Variants in CNTNAP2 observed in about 807,000 individuals in gnomAD.
The protein encoded by CNTNAP2 is contactin-associated protein-like 2.
CNTNAP2 carries 98 observed loss-of-function variants against 155.2 expected under a neutral mutation model. The observed-to-expected ratio is 0.63, with a 90% CI of 0.54 to 0.75. The LOEUF (loss-of-function observed/expected upper bound fraction) is 0.75. Ranked by LOEUF, CNTNAP2 falls within the 30% of genes least tolerant of loss-of-function variation. The probability of loss-of-function intolerance (pLI) is 0.00; values close to 1 mark genes in which losing one functional copy is unlikely to be tolerated. For missense variants in CNTNAP2, 1,727 were observed against 1,688.1 expected (o/e 1.02, Z -0.40); for synonymous variants, 651 against 631.2 (o/e 1.03, Z -0.47).
At chr7:146,515,860 A>G (rs1183853307) in intron 1 of CNTNAP2, among the ~76,000 whole-genome samples, 4 of 152,024 alleles carry the variant, frequency 2.6e-5, no homozygotes, top group Admixed American at 6.6e-5. Context: ...TCCTATGATC[A>G]CTTTTAGACA....
intron 1 of CNTNAP2, among the ~76,000 whole-genome samples, chr7:146,618,042 TAAAG>T (rs1369469601): frequency 1.3e-5 from 2 of 149,980 alleles, no homozygotes; most frequent in East Asian, 3.9e-4. Flanking sequence ...TAAAGAAAAA[TAAAG>T]AAAATTGGAG....
Position 147,792,627 on chromosome 7 carries a change from C to A in CNTNAP2, c.2099-110938C>A, listed in dbSNP as rs565869970. On this transcript the variant is annotated intron_variant, in intron 13 of 23. Coordinates refer to ENST00000361727, the MANE Select transcript of CNTNAP2 (RefSeq NM_014141.6). The stretch of plus-strand genomic sequence containing the variant: ...ATCAACTGAAGGACAATTGAGTTTA[C>A]ATTTTTGCCTGTTATTAATAATGCT... Among the ~76,000 whole-genome samples the A allele has an allele frequency of 7.2e-5, 11 of 152,162 alleles. No individual in the cohort carries two copies. The South Asian group carries it at 1.7e-3, about 23-fold the overall frequency.
In CNTNAP2 at chr7:148,398,094, G is replaced by A. The variant is rs1003735976; in HGVS notation, c.3716-11297G>A. ...AGAGCCGAACTGGGCATTCATAAAAGACTTAAAATATGTGTAGAATTAATT... is the reference window on the plus strand; with the variant it reads ...AGAGCCGAACTGGGCATTCATAAAAAACTTAAAATATGTGTAGAATTAATT... On this transcript the variant is annotated intron_variant, in intron 22 of 23. Coordinates refer to ENST00000361727, the MANE Select transcript of CNTNAP2 (RefSeq NM_014141.6). Among the ~76,000 whole-genome samples the A allele has an allele frequency of 2.0e-5, 3 of 152,184 alleles. No homozygotes were observed. The South Asian group carries it at 6.2e-4, about 32-fold the overall frequency.
At chr7:146,885,170 A>G (rs1319537609) in intron 3 of CNTNAP2, among the ~76,000 whole-genome samples, 2 of 152,196 alleles carry the variant, frequency 1.3e-5, no homozygotes, top group Non-Finnish European at 2.9e-5. Flanking sequence ...AACAATGTAA[A>G]TAAAATGAAA....
At chr7:147,293,882 A>C (rs1325419221) in intron 8 of CNTNAP2, among the ~76,000 whole-genome samples, 1 of 152,228 alleles carries the variant, frequency 6.6e-6, no homozygotes, top group Non-Finnish European at 1.5e-5. Context: ...TGTTAGAGAA[A>C]ATATTATAAA....
chr7:146,229,910 T>G (rs1027504839), intron 1 of CNTNAP2, among the ~76,000 whole-genome samples: 3 of 152,312 alleles, frequency 2.0e-5, no homozygotes, highest in African/African-American at 7.2e-5. Flanking sequence ...GAGTCAATCG[T>G]GACTGTTTTG....
At chr7:147,733,035 T>C (rs1485300811) in intron 13 of CNTNAP2, among the ~76,000 whole-genome samples, 4 of 152,210 alleles carry the variant, frequency 2.6e-5, no homozygotes, top group Non-Finnish European at 5.9e-5. Flanking sequence ...CTCTTTAGTT[T>C]AATTAGATCC....
chr7:147,487,476 G>A (rs1798530237), intron 11 of CNTNAP2, among the ~76,000 whole-genome samples: 1 of 152,080 alleles, frequency 6.6e-6, no homozygotes. Context: ...ATGAAACTCA[G>A]TGCCTTCACT....
intron 11 of CNTNAP2, among the ~76,000 whole-genome samples, chr7:147,490,021 A>G (rs977301830): frequency 5.3e-5 from 8 of 152,188 alleles, no homozygotes; most frequent in South Asian, 2.1e-4. Flanking sequence ...TGAATGCAAG[A>G]GGTTAAAGGA....
chr7:148,153,239 C>T (rs200423033), intron 17 of CNTNAP2, among the ~76,000 whole-genome samples: 2 of 81,580 alleles, frequency 2.5e-5, no homozygotes, highest in Non-Finnish European at 4.7e-5. Context: ...GCAAAGTAAC[C>T]GAAAAAAAAA....
chr7:146,605,476 C>A (rs995425955), intron 1 of CNTNAP2, among the ~76,000 whole-genome samples: 1 of 143,960 alleles, frequency 6.9e-6, no homozygotes, highest in African/African-American at 2.5e-5. Flanking sequence ...TCATGTTATG[C>A]AGAAAAAAGG....
chr7:148,063,688 A>G (rs1241596577), intron 15 of CNTNAP2, among the ~76,000 whole-genome samples: 3 of 149,460 alleles, frequency 2.0e-5, no homozygotes, highest in African/African-American at 7.4e-5. Context: ...TTGTCTGTTT[A>G]CTCTGCTGAT....
intron 13 of CNTNAP2, among the ~76,000 whole-genome samples, chr7:147,784,493 TAATATATATATATA>T (rs1206270116): frequency 5.6e-4 from 27 of 48,104 alleles, no homozygotes; most frequent in African/African-American, 1.7e-3. Flanking sequence ...GGCTCTGGAC[TAATATATATATATA>T]TATATATATA....
chr7:147,758,067 A>C (rs767670800), intron 13 of CNTNAP2, among the ~76,000 whole-genome samples: 1 of 152,228 alleles, frequency 6.6e-6, no homozygotes, highest in Non-Finnish European at 1.5e-5. Context: ...CTCTTAGAAT[A>C]TGTCAAGTAA....
chr7:147,479,534 T>A (rs1000016057), intron 10 of CNTNAP2, among the ~76,000 whole-genome samples: 1 of 152,182 alleles, frequency 6.6e-6, no homozygotes, highest in African/African-American at 2.4e-5. Flanking sequence ...GGGCCAGCAA[T>A]CTTTCAAAAG....
At chr7:146,273,972 T>G (rs1282666746) in intron 1 of CNTNAP2, among the ~76,000 whole-genome samples, 1 of 152,170 alleles carries the variant, frequency 6.6e-6, no homozygotes, top group Non-Finnish European at 1.5e-5. Context: ...TCTCCTTATG[T>G]GTAAGACCTT....
intron 15 of CNTNAP2, among the ~76,000 whole-genome samples, chr7:148,000,811 G>T (rs1283973198): frequency 6.6e-6 from 1 of 152,192 alleles, no homozygotes; most frequent in Non-Finnish European, 1.5e-5. Context: ...CCACAAACTT[G>T]GTGGCTTAAA....
intron 2 of CNTNAP2, among the ~76,000 whole-genome samples, chr7:146,814,617 C>G (rs574459107): frequency 3.2e-4 from 49 of 152,182 alleles, no homozygotes; most frequent in Admixed American, 2.9e-3. Context: ...TAATCTATAA[C>G]ATTTGTTAAA....
intron 13 of CNTNAP2, among the ~76,000 whole-genome samples, chr7:147,739,453 A>C (rs1046656277): frequency 1.3e-5 from 2 of 152,274 alleles, no homozygotes; most frequent in Non-Finnish European, 2.9e-5. Context: ...TGACATGTTG[A>C]ATAAAAACAG....
Sources: allele counts gnomAD v4.1 joint callset (sites outside exome capture counted in the v4.1 genomes callset), GRCh38; gene constraint gnomAD v4.1.1; transcripts MANE v1.5; gene names NCBI Gene and HGNC (gene_info 2026-07-23, HGNC 2026-07-21).